SEPTIN5: variants seen among roughly 807,000 people sequenced by gnomAD.
The protein encoded by SEPTIN5 is septin-5.
SEPTIN5 carries 16 observed loss-of-function variants against 51.2 expected under a neutral mutation model. The observed-to-expected ratio is 0.31, with a 90% confidence interval of 0.21 to 0.47. The LOEUF (loss-of-function observed/expected upper bound fraction) is 0.47. Ranked by LOEUF, SEPTIN5 falls within the 20% of genes least tolerant of loss-of-function variation. The pLI is 0.99. For missense variants in SEPTIN5, 376 were observed against 500.3 expected (o/e 0.75, Z 2.37); for synonymous variants, 208 against 191.2 (o/e 1.09, Z -0.72).
chr22:19,719,055 C>T (rs1935968080), intron 2 of SEPTIN5: 6 of 398,728 alleles, frequency 1.5e-5, no homozygotes, highest in Non-Finnish European at 2.5e-5. Flanking sequence ...CCAGGGGCCC[C>T]AAGGGTCTGC....
chr22:19,715,005 C>T (rs1416667792), intron 2 of SEPTIN5, among the ~76,000 whole-genome samples: 1 of 152,254 alleles, frequency 6.6e-6, no homozygotes, highest in Non-Finnish European at 1.5e-5. Flanking sequence ...ACAGCAGGGA[C>T]CCTGCGCCCC....
In SEPTIN5 at chr22:19,721,945, A is replaced by C. The variant is rs1211277731; in HGVS notation, c.938A>C (p.Gln313Pro). ...HYENYRAHCIQQMTSKLTQDS... is the reference protein window; with the variant it reads ...HYENYRAHCIPQMTSKLTQDS... ...GAGAACTACCGCGCGCACTGCATCCAGCAGATGACCAGGTGCGCGCCCCAG... is the reference window on the plus strand; with the variant it reads ...GAGAACTACCGCGCGCACTGCATCCCGCAGATGACCAGGTGCGCGCCCCAG... The change falls in exon 10 of 12, where the codon CAG (glutamine) becomes CCG (proline). Residue 313 changes from glutamine (Q) to proline (P), a missense_variant. By Grantham distance (76) the Gln-to-Pro change is moderately conservative (BLOSUM62 -1). Coordinates refer to ENST00000455784, the MANE Select transcript of SEPTIN5 (RefSeq NM_002688.6). 6.2e-7 allele frequency: 1 copy of C among 1,608,930 alleles called. No individual in the cohort carries two copies. The highest frequency in any genetic ancestry group is 1.3e-5 in the African/African-American group (1 of 74,992).
chr22:19,719,487 C>G, intron 2 of SEPTIN5, 115 bp from the exon 3 acceptor site: 4 of 825,712 alleles, frequency 4.8e-6, no homozygotes, highest in Non-Finnish European at 7.5e-6. Context: ...AACGAAATGC[C>G]CCACCCTGGG....
At chr22:19,720,000 T>G in intron 4 of SEPTIN5, 108 bp downstream of exon 4, 1 of 1,600,526 alleles carries the variant, frequency 6.2e-7, no homozygotes, top group Admixed American at 1.7e-5. Flanking sequence ...TCTCGCGGTG[T>G]GGGTCCCCTG....
At chr22:19,720,037 A>G in intron 4 of SEPTIN5, 78 bp from the exon 5 acceptor site, 1 of 1,608,012 alleles carries the variant, frequency 6.2e-7, no homozygotes, top group Non-Finnish European at 8.5e-7. Flanking sequence ...ACCAAGATGG[A>G]TGAGGACGAG....
At chr22:19,718,651 G>A in intron 2 of SEPTIN5, 1 of 1,290,542 alleles carries the variant, frequency 7.7e-7, no homozygotes, top group South Asian at 3.3e-5. Flanking sequence ...GCAGAGCCGC[G>A]CCAAGGTCCC....
In SEPTIN5 at chr22:19,722,311, A is replaced by C. The variant is rs1326305330; in HGVS notation, c.1025A>C (p.Glu342Ala). 1 of 1,610,874 alleles carries C rather than the reference A, an allele frequency of 6.2e-7. No homozygotes were observed. Among genetic ancestry groups the C allele is most frequent in the East Asian group, 2.2e-5 (1 of 44,798 alleles). The change falls in exon 11 of 12, where the codon GAG becomes GCG. Residue 342 changes from glutamate (E) to alanine (A), a missense_variant. Glu to Ala is a moderately radical substitution (Grantham distance 107). Around this residue, in one of 2 missense-constraint regions of SEPTIN5, gnomAD observed 89 missense variants for 83.3 expected, o/e 1.07. Coordinates refer to ENST00000455784, the MANE Select transcript of SEPTIN5 (RefSeq NM_002688.6). ...LPLPTPDAET[E>A]KLIRMKDEEL... ...CTGCCCACCCCGGACGCCGAGACTG[A>C]GAAGCTTATCAGGATGAAGGATGAG...
intron 2 of SEPTIN5, chr22:19,717,094 T>G (rs971408349): frequency 3.2e-6 from 1 of 313,058 alleles, no homozygotes. Flanking sequence ...CAGGTGCCAG[T>G]GGTCCAGGCC....
chr22:19,715,537 G>C (rs973291368), intron 2 of SEPTIN5, among the ~76,000 whole-genome samples: 10 of 152,350 alleles, frequency 6.6e-5, no homozygotes, highest in Admixed American at 2.0e-4. Flanking sequence ...AGGTGGGCTG[G>C]GGGGGCTGGG....
chr22:19,718,828 T>C, intron 2 of SEPTIN5: 1 of 1,236,526 alleles, frequency 8.1e-7, no homozygotes, highest in Non-Finnish European at 1.0e-6. Flanking sequence ...GGTGCGTGTG[T>C]GGAGAGGGCG....
chr22:19,717,259 T>A (rs1041449660), intron 2 of SEPTIN5: 6 of 469,496 alleles, frequency 1.3e-5, no homozygotes, highest in African/African-American at 1.2e-4. Flanking sequence ...AGTCCTACCC[T>A]GGAACCTTTC....
At chr22:19,720,722 G>A (rs772990570) in intron 7 of SEPTIN5, 46 bp from the exon 8 acceptor site, 4 of 1,612,070 alleles carry the variant, frequency 2.5e-6, no homozygotes, top group African/African-American at 1.3e-5. Context: ...AGAGTACCAG[G>A]GGGACTTGTC....
At chr22:19,718,724 G>C in intron 2 of SEPTIN5, 1 of 1,247,270 alleles carries the variant, frequency 8.0e-7, no homozygotes, top group South Asian at 3.8e-5. Context: ...CCCGGGCCTG[G>C]GGGGGTCGCC....
Position 19,720,359 on chromosome 22 carries a change from G to T in SEPTIN5, c.402G>T (p.Glu134Asp), listed in dbSNP as rs768877560. The T allele has an allele frequency of 6.2e-7, 1 of 1,613,858 alleles. No homozygotes were observed. The change falls in exon 6 of 12, where the codon GAG becomes GAT. Residue 134 changes from glutamate to aspartate, a missense_variant. This residue lies in a region of SEPTIN5 where 287 missense variants were observed against 417.1 expected (regional missense o/e 0.69). Coordinates refer to ENST00000455784, the MANE Select transcript of SEPTIN5 (RefSeq NM_002688.6). ...CCGACTATGTGGACCAGCAGTTTGAGCAGTACTTCCGTGATGAGAGCGGCC... is the reference window on the plus strand; with the variant it reads ...CCGACTATGTGGACCAGCAGTTTGATCAGTACTTCCGTGATGAGAGCGGCC... ...PITDYVDQQF[E>D]QYFRDESGLN...
In SEPTIN5 at chr22:19,720,233, C is replaced by G; in HGVS notation, c.357C>G (p.Thr119=). ...TPGFGDAVNN[T]ECWKPITDYV... ...GATTCGGGGACGCTGTCAACAACAC[C>G]GAGTGGTGAGTGAGGCCTGCTGAGA... The change falls in exon 5 of 12, where the codon ACC becomes ACG. Residue 119 remains threonine, a synonymous_variant. Coordinates refer to ENST00000455784, the MANE Select transcript of SEPTIN5 (RefSeq NM_002688.6). 6.2e-7 allele frequency: 1 copy of G among 1,613,526 alleles called. No individual in the cohort carries two copies. The highest frequency in any genetic ancestry group is 1.1e-5 in the South Asian group (1 of 91,086).
chr22:19,716,032 C>A (rs1014404938), intron 2 of SEPTIN5, among the ~76,000 whole-genome samples: 1 of 152,222 alleles, frequency 6.6e-6, no homozygotes, highest in South Asian at 2.1e-4. Flanking sequence ...ACTCTGAGAC[C>A]CTGGGCTCCA....
rs1261772035 is a variant in SEPTIN5, at chr22:19,720,872, G to A, written c.717+3G>A. On this transcript the variant is annotated splice_donor_region_variant and intron_variant, in intron 8 of 11. Transcript: ENST00000455784. The stretch of plus-strand genomic sequence containing the variant: ...AGCAGCAGGACCGGGAACTGAAGGT[G>A]AACATGCAGACTGGTGGGGCAGGGG... 3.1e-6 allele frequency: 5 copies of A among 1,612,488 alleles called. No individual in the cohort carries two copies. The highest frequency in any genetic ancestry group is 4.2e-6 in the Non-Finnish European group (5 of 1,179,012).
In SEPTIN5 at chr22:19,723,030, C is replaced by T; in HGVS notation, c.*546C>T. 2.2e-6 allele frequency: 1 copy of T among 463,250 alleles called. No homozygotes were observed. The highest frequency in any genetic ancestry group is 4.1e-6 in the Non-Finnish European group (1 of 243,454). 28.7% of individuals were successfully genotyped at this position (463,250 alleles called of 1,614,324 possible). A position where few individuals can be genotyped will look rare whatever the true frequency, so the allele number is the denominator to read the frequency against. On this transcript the variant is annotated 3_prime_UTR_variant, in exon 12 of 12. Transcript: ENST00000455784. Reference sequence around the variant, plus strand: ...CCAGACATAAGGAGGCCAGAGGCTGCAAGGAGCGGGGTCGTGACCGCTTAC... The same window carrying T: ...CCAGACATAAGGAGGCCAGAGGCTGTAAGGAGCGGGGTCGTGACCGCTTAC...
Position 19,722,619 on chromosome 22 carries a change from C to G in SEPTIN5, c.*135C>G. 1.1e-6 allele frequency: 1 copy of G among 926,254 alleles called. No individual in the cohort carries two copies. The highest frequency in any genetic ancestry group is 1.6e-5 in the South Asian group (1 of 63,890). 57.4% of individuals were successfully genotyped at this position (926,254 alleles called of 1,614,324 possible). A position where few individuals can be genotyped will look rare whatever the true frequency, so the allele number is the denominator to read the frequency against. On this transcript the variant is annotated 3_prime_UTR_variant, in exon 12 of 12. Coordinates refer to ENST00000455784, the MANE Select transcript of SEPTIN5 (RefSeq NM_002688.6). Reference sequence around the variant, plus strand: ...AATTTATTCTCAGCACCACCCCCTCCCAGGTCATTGTGTCTGTTTCCGAGG... The same window carrying G: ...AATTTATTCTCAGCACCACCCCCTCGCAGGTCATTGTGTCTGTTTCCGAGG...
Sources: allele counts gnomAD v4.1 joint callset (sites outside exome capture counted in the v4.1 genomes callset), GRCh38; gene constraint gnomAD v4.1.1; regional missense constraint gnomAD v4.1.1; transcripts MANE v1.5; gene names NCBI Gene and HGNC (gene_info 2026-07-23, HGNC 2026-07-21).